The following HMCN1 variants were observed in gnomAD, a reference collection of about 807,000 sequenced individuals.
The protein encoded by HMCN1 is hemicentin-1.
Under a neutral mutation model 625.9 loss-of-function variants are expected in HMCN1, and 321 were observed. That is an observed-to-expected ratio of 0.51 (90% CI 0.47 to 0.56). HMCN1 has a LOEUF of 0.56. Among genes scored for constraint, HMCN1 ranks in the 20% least tolerant of loss-of-function variants. The pLI is 0.00. For synonymous variants in HMCN1, 2,425 were observed against 2,417.6 expected, an observed-to-expected ratio of 1.00 and a Z score of -0.09; for missense variants, 6,588 against 6,887.3, an observed-to-expected ratio of 0.96 and a Z score of 1.54.
chr1:185,768,025 T>A (rs1655982093), intron 1 of HMCN1, among the ~76,000 whole-genome samples: 1 of 152,130 alleles, frequency 6.6e-6, no homozygotes, highest in South Asian at 2.1e-4. Context: ...GGAAAAAACA[T>A]GAAGTTCAAG....
chr1:185,884,952 A>T (rs550668642), intron 4 of HMCN1, among the ~76,000 whole-genome samples: 26 of 152,078 alleles, frequency 1.7e-4, no homozygotes, highest in Non-Finnish European at 3.2e-4. Context: ...AAAATAGTAT[A>T]GTTACAAATA....
intron 1 of HMCN1, among the ~76,000 whole-genome samples, chr1:185,835,297 A>G (rs1199219949): frequency 6.6e-6 from 1 of 152,218 alleles, no homozygotes; most frequent in Non-Finnish European, 1.5e-5. Context: ...CAGTGATACC[A>G]GAGAATGGCA....
At position 185,994,989 on chromosome 1, in the gene HMCN1, G is replaced by A. The variant is rs1250820365; in HGVS notation, c.3680G>A (p.Ser1227Asn). Residue 1227 changes from serine to asparagine, a missense_variant, in exon 24 of 107, where the codon AGC (serine) becomes AAC (asparagine). By Grantham distance (46) the Ser-to-Asn change is conservative (BLOSUM62 1). This residue lies in a region of HMCN1 where 4,628 missense variants were observed against 4,853.1 expected (regional missense o/e 0.95). Transcript: ENST00000271588. Reference protein sequence around the residue: ...HHVSNPDGTLSIDQATPSDAG... With the variant: ...HHVSNPDGTLNIDQATPSDAG... ...GTTAGCAATCCAGACGGAACTTTAA[G>A]CATCGACCAAGCCACGCCCTCAGAT... 1 of 1,613,906 alleles carries A rather than the reference G, an allele frequency of 6.2e-7. No homozygotes were observed. The highest frequency in any genetic ancestry group is 1.7e-5 in the Admixed American group (1 of 59,970).
chr1:186,018,156 C>T, intron 33 of HMCN1, 27 bp from the exon 34 acceptor site: 1 of 1,586,010 alleles, frequency 6.3e-7, no homozygotes, highest in Non-Finnish European at 8.7e-7. Context: ...AATATTTATC[C>T]AGACTTCCTT....
At chr1:185,810,531 C>T (rs1457080113) in intron 1 of HMCN1, among the ~76,000 whole-genome samples, 1 of 152,116 alleles carries the variant, frequency 6.6e-6, no homozygotes, top group Non-Finnish European at 1.5e-5. Context: ...TAGTTTTTCA[C>T]ATGACATTAA....
chr1:186,045,049 G>A (rs1329057410), intron 40 of HMCN1, among the ~76,000 whole-genome samples: 3 of 152,074 alleles, frequency 2.0e-5, no homozygotes, highest in Admixed American at 6.6e-5. Flanking sequence ...TTGTGAGTAC[G>A]TTGTACAGCT....
chr1:185,936,776 C>G (rs556246089), intron 11 of HMCN1, among the ~76,000 whole-genome samples: 32 of 152,274 alleles, frequency 2.1e-4, no homozygotes, highest in African/African-American at 7.7e-4. Flanking sequence ...CAGATGGTAG[C>G]AGAGGGGAGC....
Position 186,087,581 on chromosome 1 carries a change from T to C in HMCN1, c.9299T>C (p.Ile3100Thr), listed in dbSNP as rs1659582233. The change falls in exon 60 of 107, where the codon ATA (isoleucine) becomes ACA (threonine). Residue 3100 changes from isoleucine to threonine, a missense_variant. Around this residue, in one of 3 missense-constraint regions of HMCN1, gnomAD observed 4,628 missense variants for 4,853.1 expected, o/e 0.95. Coordinates refer to ENST00000271588, the MANE Select transcript of HMCN1 (RefSeq NM_031935.3). ...ACTTGGTATAAGAATGGGCGGATGA[T>C]AACAGAGTCTACTCATGTGGAGATT... The part of the protein sequence containing the change: ...VITWYKNGRM[I>T]TESTHVEILA... 1.2e-6 allele frequency: 2 copies of C among 1,613,200 alleles called. No individual in the cohort carries two copies. The highest frequency in any genetic ancestry group is 1.7e-5 in the Admixed American group (1 of 59,924).
chr1:185,743,987 T>TG (rs1557935791), intron 1 of HMCN1, among the ~76,000 whole-genome samples: 2 of 74,026 alleles, frequency 2.7e-5, no homozygotes, highest in Admixed American at 1.1e-4. Flanking sequence ...GTTTTGTTTT[T>TG]TTTTTTTTTT....
chr1:185,933,467 C>T, intron 10 of HMCN1, 82 bp from the exon 11 acceptor site: 3 of 1,356,020 alleles, frequency 2.2e-6, no homozygotes, highest in Middle Eastern at 4.5e-4. Context: ...TCAGTACATA[C>T]TTATTCAGTT....
At chr1:186,131,716 G>A (rs938182634) in intron 85 of HMCN1, among the ~76,000 whole-genome samples, 6 of 152,066 alleles carry the variant, frequency 3.9e-5, no homozygotes, top group Admixed American at 1.3e-4. Context: ...AGCGAAATCT[G>A]TGCCTCTAGT....
intron 47 of HMCN1, 65 bp from the exon 48 acceptor site, chr1:186,062,449 A>G: frequency 1.1e-6 from 1 of 940,828 alleles, no homozygotes; most frequent in Non-Finnish European, 1.7e-6. Context: ...ACCATACATA[A>G]ATATCTATAA....
chr1:185,756,266 T>C (rs959782202), intron 1 of HMCN1, among the ~76,000 whole-genome samples: 8 of 152,190 alleles, frequency 5.3e-5, no homozygotes, highest in Non-Finnish European at 1.0e-4. Flanking sequence ...TATGCATGTG[T>C]TTTCCAGTCA....
chr1:186,078,030 C>A (rs555112737), intron 54 of HMCN1, 77 bp from the exon 55 acceptor site: 5 of 1,088,166 alleles, frequency 4.6e-6, no homozygotes, highest in Non-Finnish European at 7.0e-6. Context: ...GTCATTAGAC[C>A]TGAAAATTTG....
intron 83 of HMCN1, among the ~76,000 whole-genome samples, chr1:186,129,265 G>A (rs1213380254): frequency 6.6e-6 from 1 of 150,972 alleles, no homozygotes; most frequent in Non-Finnish European, 1.5e-5. Flanking sequence ...ATATGGACTG[G>A]TTTAGTCAGA....
Position 185,745,952 on chromosome 1 carries a change from C to T in HMCN1, c.268+10905C>T, listed in dbSNP as rs566687884. Among the ~76,000 whole-genome samples the T allele has an allele frequency of 7.9e-5, 12 of 152,244 alleles. No homozygotes were observed. In the South Asian group the frequency reaches 2.1e-3, roughly 26 times the overall value. ...AAAATAAGACAGAAAAAGGGAAGTT[C>T]ATTATGGACTCTGGAAAAGGGAGTC... On this transcript the variant is annotated intron_variant, in intron 1 of 106. Transcript: ENST00000271588.
intron 14 of HMCN1, among the ~76,000 whole-genome samples, chr1:185,969,890 C>T (rs1229427290): frequency 6.6e-6 from 1 of 152,088 alleles, no homozygotes; most frequent in African/African-American, 2.4e-5. Flanking sequence ...CATCTTCTGC[C>T]TTCAAATAAA....
At position 186,007,090 on chromosome 1, in the gene HMCN1, G is replaced by A. The variant is rs77741863; in HGVS notation, c.4476-38G>A. Reference sequence around the variant, plus strand: ...TGATAAATAAGAAATGTGAAAAACTGAAAATAGACCCATGGAATAAAGTTT... The same window carrying A: ...TGATAAATAAGAAATGTGAAAAACTAAAAATAGACCCATGGAATAAAGTTT... On this transcript the variant is annotated intron_variant, in intron 29 of 106. Transcript: ENST00000271588. The A allele has an allele frequency of 2.8e-3, 4,248 of 1,530,662 alleles. 96 individuals are homozygous for A. In the African/African-American group the frequency reaches 0.047, roughly 17 times the overall value. 94.8% of individuals were successfully genotyped at this position (1,530,662 alleles called of 1,614,324 possible).
At chr1:185,777,013 T>A (rs1656661769) in intron 1 of HMCN1, among the ~76,000 whole-genome samples, 4 of 152,252 alleles carry the variant, frequency 2.6e-5, no homozygotes, top group Admixed American at 2.0e-4. Flanking sequence ...CAGATCTTAC[T>A]CTTATGACTT....
Sources: gnomAD v4.1 joint callset for allele counts (sites outside exome capture counted in the v4.1 genomes callset) on GRCh38, gnomAD v4.1.1 for gene constraint, gnomAD v4.1.1 regional missense constraint, MANE v1.5 for transcripts, NCBI Gene and HGNC (gene_info 2026-07-23, HGNC 2026-07-21) for gene names.